The following WDR70 variants were observed in gnomAD, a reference collection of about 807,000 sequenced individuals.
WDR70 encodes WD repeat domain 70, also known as WD repeat-containing protein 70.
A neutral mutation model predicts 88.6 loss-of-function variants in WDR70; 53 were observed. The observed-to-expected ratio is 0.60, with a 90% CI of 0.48 to 0.75. The LOEUF is 0.75. Ranked by LOEUF, WDR70 falls within the 30% of genes least tolerant of loss-of-function variation. WDR70 has a pLI of 0.00. For synonymous variants in WDR70, 280 were observed against 270.0 expected, an observed-to-expected ratio of 1.04 and a Z score of -0.36; for missense variants, 610 against 823.2, an observed-to-expected ratio of 0.74 and a Z score of 3.17.
At chr5:37,633,221 C>A (rs1744866526) in intron 10 of WDR70, among the ~76,000 whole-genome samples, 1 of 152,082 alleles carries the variant, frequency 6.6e-6, no homozygotes, top group Admixed American at 6.6e-5. Context: ...GGAGTGACTA[C>A]CAGAGTTTTT....
At chr5:37,622,940 T>G (rs544207261) in intron 10 of WDR70, among the ~76,000 whole-genome samples, 30 of 152,264 alleles carry the variant, frequency 2.0e-4, no homozygotes, top group African/African-American at 7.0e-4. Flanking sequence ...AAAACCAATG[T>G]GATTCTAAAT....
intron 8 of WDR70, among the ~76,000 whole-genome samples, chr5:37,483,970 G>T (rs1303911608): frequency 6.6e-6 from 1 of 151,542 alleles, no homozygotes; most frequent in Non-Finnish European, 1.5e-5. Flanking sequence ...CGGCGGGGCA[G>T]AGGCGCTCCC....
intron 8 of WDR70, among the ~76,000 whole-genome samples, chr5:37,485,483 G>T (rs1739834185): frequency 1.3e-5 from 2 of 151,942 alleles, no homozygotes; most frequent in African/African-American, 2.4e-5. Context: ...CTGTTTGTTG[G>T]TTGTTTTGCC....
intron 10 of WDR70, among the ~76,000 whole-genome samples, chr5:37,612,533 A>G (rs1404065947): frequency 1.3e-5 from 2 of 152,194 alleles, no homozygotes; most frequent in African/African-American, 4.8e-5. Context: ...GGACGTGCAC[A>G]TAACAGGTTC....
intron 10 of WDR70, among the ~76,000 whole-genome samples, chr5:37,672,964 C>CG (rs924942797): frequency 2.0e-4 from 30 of 151,832 alleles, no homozygotes; most frequent in African/African-American, 6.5e-4. Context: ...ATCATGGAGG[C>CG]GGGGGGGTTT....
intron 5 of WDR70, among the ~76,000 whole-genome samples, chr5:37,417,539 C>T (rs1235189615): frequency 7.9e-5 from 4 of 50,596 alleles, no homozygotes; most frequent in Admixed American, 3.5e-4. Flanking sequence ...CCCCCACCGA[C>T]GTTTTTTTTT....
chr5:37,443,409 C>T lies in WDR70; in HGVS notation c.686+37C>T, dbSNP rs776719034. The T allele has an allele frequency of 5.6e-6, 9 of 1,609,372 alleles. No homozygotes were observed. In the East Asian group the frequency reaches 1.1e-4, roughly 20 times the overall value. Reference sequence around the variant, plus strand: ...CTTACTTAATATCTTCATATTTGACCTAATGTCTTCACATTGGAAGACAGT... The same window carrying T: ...CTTACTTAATATCTTCATATTTGACTTAATGTCTTCACATTGGAAGACAGT... On this transcript the variant is annotated intron_variant, in intron 7 of 17. Coordinates refer to ENST00000265107, the MANE Select transcript of WDR70 (RefSeq NM_018034.4).
At chr5:37,621,095 A>G (rs558769447) in intron 10 of WDR70, among the ~76,000 whole-genome samples, 66 of 152,240 alleles carry the variant, frequency 4.3e-4, no homozygotes, top group Non-Finnish European at 7.4e-4. Flanking sequence ...AAAGCTACCA[A>G]AATTAGTTTG....
At chr5:37,531,880 C>G (rs919964235) in intron 9 of WDR70, among the ~76,000 whole-genome samples, 2 of 151,698 alleles carry the variant, frequency 1.3e-5, no homozygotes, top group Non-Finnish European at 2.9e-5. Context: ...TAAGGAGGCT[C>G]TATTTTGTTG....
intron 8 of WDR70, among the ~76,000 whole-genome samples, chr5:37,500,824 C>G (rs1382707865): frequency 7.0e-6 from 1 of 143,658 alleles, no homozygotes; most frequent in East Asian, 2.2e-4. Context: ...CTCCCGGGTT[C>G]AAGCTATTCT....
At chr5:37,391,235 A>G (rs1238905780) in intron 3 of WDR70, among the ~76,000 whole-genome samples, 1 of 152,166 alleles carries the variant, frequency 6.6e-6, no homozygotes, top group African/African-American at 2.4e-5. Context: ...CTTTTACCAC[A>G]TTGGCCATTT....
intron 10 of WDR70, among the ~76,000 whole-genome samples, chr5:37,606,271 T>A (rs952952246): frequency 2.0e-5 from 3 of 152,216 alleles, no homozygotes; most frequent in African/African-American, 7.2e-5. Context: ...TGGCATTTTC[T>A]GTTTGTCAGA....
At position 37,469,123 on chromosome 5, in the gene WDR70, C is replaced by T. The variant is rs1337252392; in HGVS notation, c.687-10711C>T. On this transcript the variant is annotated intron_variant, in intron 7 of 17. Transcript: ENST00000265107. The stretch of plus-strand genomic sequence containing the variant: ...ATGGGGCAAAGTGAGTTATACAGCT[C>T]CATTCTTAGAAACCTTGGAGTAATT... 2.6e-5 allele frequency among the ~76,000 whole-genome samples: 4 copies of T among 152,248 alleles called. 1 individual carries two copies. The highest frequency in any genetic ancestry group is 3.9e-4 in the East Asian group (2 of 5,180).
chr5:37,564,620 C>A (rs1183528997), intron 9 of WDR70, among the ~76,000 whole-genome samples: 4 of 117,930 alleles, frequency 3.4e-5, no homozygotes, highest in African/African-American at 1.0e-4. Flanking sequence ...AGGCTTAATT[C>A]TCTTATCCAT....
intron 3 of WDR70, among the ~76,000 whole-genome samples, chr5:37,384,961 A>G (rs1046893829): frequency 6.6e-6 from 1 of 152,132 alleles, no homozygotes; most frequent in Admixed American, 6.6e-5. Context: ...CTTCTAATCT[A>G]CTGGCTATAA....
rs557328605 is a variant in WDR70, at chr5:37,396,884, C to T, written c.492+314C>T. 7.2e-5 allele frequency among the ~76,000 whole-genome samples: 11 copies of T among 152,204 alleles called. No homozygotes were observed. In the East Asian group the frequency reaches 1.5e-3, roughly 21 times the overall value. On this transcript the variant is annotated intron_variant, in intron 5 of 17. Transcript: ENST00000265107. Reference sequence around the variant, plus strand: ...AAAGGCCGGTACAGTGGCTCACACCCGTAATCCCGGCACTTTGGGAGGCCG... The same window carrying T: ...AAAGGCCGGTACAGTGGCTCACACCTGTAATCCCGGCACTTTGGGAGGCCG...
chr5:37,616,213 T>C (rs1203021100), intron 10 of WDR70, among the ~76,000 whole-genome samples: 2 of 152,096 alleles, frequency 1.3e-5, no homozygotes, highest in Non-Finnish European at 2.9e-5. Flanking sequence ...GCCTCCCAGA[T>C]TCAAGTGATT....
chr5:37,428,554 C>T (rs944871577), intron 5 of WDR70, among the ~76,000 whole-genome samples: 3 of 152,192 alleles, frequency 2.0e-5, no homozygotes, highest in African/African-American at 7.2e-5. Context: ...ACTTACTTTG[C>T]ACAGCATAAT....
At chr5:37,750,288 C>A (rs1351777260) in intron 17 of WDR70, among the ~76,000 whole-genome samples, 1 of 152,152 alleles carries the variant, frequency 6.6e-6, no homozygotes, top group African/African-American at 2.4e-5. Context: ...AATCCCAGCA[C>A]TTTGGGAGGC....
Sources: gnomAD v4.1 joint callset for allele counts (sites outside exome capture counted in the v4.1 genomes callset) on GRCh38, gnomAD v4.1.1 for gene constraint, MANE v1.5 for transcripts, NCBI Gene and HGNC (gene_info 2026-07-23, HGNC 2026-07-21) for gene names.